LRMDA: variants seen among roughly 807,000 people sequenced by gnomAD.
The protein encoded by LRMDA is leucine-rich melanocyte differentiation-associated protein.
Under a neutral mutation model 29.8 loss-of-function variants are expected in LRMDA, and 18 were observed. The observed-to-expected ratio is 0.60, with a 90% CI of 0.42 to 0.90. LRMDA has a LOEUF of 0.90. Among genes scored for constraint, LRMDA ranks in the 40% least tolerant of loss-of-function variants. The probability of loss-of-function intolerance (pLI) is 0.00; values close to 1 mark genes in which losing one functional copy is unlikely to be tolerated. For missense variants in LRMDA, 273 were observed against 273.9 expected (o/e 1.00, Z 0.02); for synonymous variants, 125 against 109.4 (o/e 1.14, Z -0.89).
At chr10:76,064,981 A>G (rs553267736) in intron 5 of LRMDA, among the ~76,000 whole-genome samples, 9 of 151,690 alleles carry the variant, frequency 5.9e-5, no homozygotes, top group African/African-American at 1.7e-4. Flanking sequence ...TTCAGATTCT[A>G]TTTTCAGTTT....
At chr10:76,189,243 G>A (rs1851203229) in intron 5 of LRMDA, among the ~76,000 whole-genome samples, 1 of 152,198 alleles carries the variant, frequency 6.6e-6, no homozygotes, top group Middle Eastern at 3.4e-3. Context: ...TGTCATCCCA[G>A]CTACTTGGGA....
chr10:76,215,257 G>A (rs1048367405), intron 5 of LRMDA, among the ~76,000 whole-genome samples: 1 of 152,192 alleles, frequency 6.6e-6, no homozygotes, highest in South Asian at 2.1e-4. Context: ...AGCATGTGCA[G>A]GTTTGACTCT....
intron 2 of LRMDA, among the ~76,000 whole-genome samples, chr10:75,587,053 A>G (rs1289099498): frequency 6.6e-6 from 1 of 152,104 alleles, no homozygotes; most frequent in African/African-American, 2.4e-5. Context: ...CATTGCTGAG[A>G]CCAATGTCAA....
chr10:76,000,574 G>A (rs1480790559), intron 2 of LRMDA, among the ~76,000 whole-genome samples: 2 of 152,230 alleles, frequency 1.3e-5, no homozygotes, highest in East Asian at 3.9e-4. Context: ...TCATTCAGGG[G>A]CTGTGGTGAA....
At chr10:75,589,796 T>C (rs1840700660) in intron 2 of LRMDA, among the ~76,000 whole-genome samples, 1 of 150,010 alleles carries the variant, frequency 6.7e-6, no homozygotes, top group Non-Finnish European at 1.5e-5. Context: ...AGAGAGAGTT[T>C]TTGGAGCTCT....
At chr10:75,898,622 A>G (rs1262090706) in intron 2 of LRMDA, among the ~76,000 whole-genome samples, 1 of 152,038 alleles carries the variant, frequency 6.6e-6, no homozygotes, top group South Asian at 2.1e-4. Flanking sequence ...AAAAAAAAAC[A>G]CACATTTTGG....
At chr10:76,070,624 C>A (rs1848859716) in intron 5 of LRMDA, among the ~76,000 whole-genome samples, 1 of 152,234 alleles carries the variant, frequency 6.6e-6, no homozygotes, top group Non-Finnish European at 1.5e-5. Flanking sequence ...TGGGGGTACG[C>A]ATTCAGTCCA....
intron 5 of LRMDA, among the ~76,000 whole-genome samples, chr10:76,279,221 G>A (rs1393520248): frequency 6.6e-6 from 1 of 152,198 alleles, no homozygotes. Flanking sequence ...ATAGCTGTAT[G>A]ACCTTGGACA....
chr10:75,764,789 C>T (rs926913914), intron 2 of LRMDA, among the ~76,000 whole-genome samples: 3 of 152,102 alleles, frequency 2.0e-5, no homozygotes, highest in Non-Finnish European at 2.9e-5. Context: ...AGCAGCAAAC[C>T]GTATTTTTCA....
At chr10:75,720,314 G>A (rs1842550941) in intron 2 of LRMDA, among the ~76,000 whole-genome samples, 1 of 152,146 alleles carries the variant, frequency 6.6e-6, no homozygotes. Context: ...AGGAGACTGA[G>A]GATTTCATTT....
chr10:76,298,998 T>C (rs2132357668), intron 5 of LRMDA, among the ~76,000 whole-genome samples: 1 of 152,298 alleles, frequency 6.6e-6, no homozygotes, highest in Non-Finnish European at 1.5e-5. Context: ...ATTTTCTTGA[T>C]TAGAAATATT....
Position 75,463,896 on chromosome 10 carries a change from A to G in LRMDA, c.131+25402A>G, listed in dbSNP as rs552387520. ...TGGTCAGGCTGATCTCGAACTCCTG[A>G]CCTCAGGTGATCCTCTCACCTCGGC... On this transcript the variant is annotated intron_variant, in intron 2 of 6. Coordinates refer to ENST00000611255, the MANE Select transcript of LRMDA (RefSeq NM_001305581.2). Among the ~76,000 whole-genome samples, 27 of 152,084 alleles carry G rather than the reference A, an allele frequency of 1.8e-4. No homozygotes were observed. The East Asian group carries it at 5.2e-3, about 29-fold the overall frequency.
chr10:75,938,269 T>C lies in LRMDA; in HGVS notation c.132-97739T>C, dbSNP rs183503091. ...GAGCCATTTAGTAACAGGAGCTTGA[T>C]TACTGTCAGGGTTTCTCCACTAAAT... On this transcript the variant is annotated intron_variant, in intron 2 of 6. Transcript: ENST00000611255. Among the ~76,000 whole-genome samples, 463 of 152,320 alleles carry C rather than the reference T, an allele frequency of 3.0e-3. 3 individuals are homozygous for C. Among genetic ancestry groups the C allele is most frequent in the Non-Finnish European group, 3.4e-3 (228 of 68,018 alleles).
intron 6 of LRMDA, among the ~76,000 whole-genome samples, chr10:76,391,952 T>C (rs1841727839): frequency 6.6e-6 from 1 of 152,208 alleles, no homozygotes; most frequent in Admixed American, 6.5e-5. Context: ...TCTGTTAACA[T>C]AAATGATATT....
rs533074499 is a variant in LRMDA at position 76,261,365 on chromosome 10, C to T, written c.517-63036C>T. The stretch of plus-strand genomic sequence containing the variant: ...GGGATTACAGGCGTGAGCTACTGCG[C>T]CCGGCTGGCTTGCGTTTCAATCTAA... On this transcript the variant is annotated intron_variant, in intron 5 of 6. Coordinates refer to ENST00000611255, the MANE Select transcript of LRMDA (RefSeq NM_001305581.2). Among the ~76,000 whole-genome samples the T allele has an allele frequency of 6.4e-4, 97 of 152,170 alleles. No homozygotes were observed. The South Asian group carries it at 0.019, about 29-fold the overall frequency.
intron 2 of LRMDA, among the ~76,000 whole-genome samples, chr10:76,012,118 A>G (rs532142471): frequency 6.6e-6 from 1 of 152,290 alleles, no homozygotes; most frequent in South Asian, 2.1e-4. Context: ...GCCTTGCCCA[A>G]AGCTGGTTCC....
intron 2 of LRMDA, among the ~76,000 whole-genome samples, chr10:75,548,608 A>T (rs1554899099): frequency 6.6e-6 from 1 of 151,992 alleles, no homozygotes; most frequent in Non-Finnish European, 1.5e-5. Context: ...TCCTTTTTGA[A>T]CTCTCTGCAT....
At chr10:75,503,589 A>G (rs925287346) in intron 2 of LRMDA, among the ~76,000 whole-genome samples, 1 of 151,934 alleles carries the variant, frequency 6.6e-6, no homozygotes, top group Non-Finnish European at 1.5e-5. Flanking sequence ...AGAAGTTGCA[A>G]TCCCTTTGTC....
Position 76,000,267 on chromosome 10 carries a change from A to G in LRMDA, c.132-35741A>G, listed in dbSNP as rs181732321. 2.6e-5 allele frequency among the ~76,000 whole-genome samples: 4 copies of G among 152,228 alleles called. No homozygotes were observed. In the East Asian group the frequency reaches 7.7e-4, roughly 29 times the overall value. On this transcript the variant is annotated intron_variant, in intron 2 of 6. Transcript: ENST00000611255. ...AAGTCATCTTAAAAGGGGGCCCATT[A>G]CCTCCATCTGCAAGTCCTCTTGAAA...
Sources: allele counts gnomAD v4.1 joint callset (sites outside exome capture counted in the v4.1 genomes callset), GRCh38; gene constraint gnomAD v4.1.1; transcripts MANE v1.5; gene names NCBI Gene and HGNC (gene_info 2026-07-23, HGNC 2026-07-21).